Variants in ZNF141 observed in about 807,000 individuals in gnomAD.
ZNF141 encodes zinc finger protein 141, also known as zinc finger protein 141 (clone pHZ-44).
A neutral mutation model predicts 11.3 loss-of-function variants in ZNF141; 7 were observed. That is an observed-to-expected ratio of 0.62 (90% CI 0.35 to 1.16). The LOEUF is 1.16. Ranked by LOEUF, ZNF141 falls within the 50% of genes most tolerant of loss-of-function variation. The pLI is 0.02. For missense variants in ZNF141, 535 were observed against 554.0 expected (o/e 0.97, Z 0.34); for synonymous variants, 183 against 190.7 (o/e 0.96, Z 0.33).
intron 3 of ZNF141, among the ~76,000 whole-genome samples, chr4:345,729 CAAAAAAAAAA>C (rs1321182710): frequency 1.5e-5 from 1 of 64,616 alleles, no homozygotes; most frequent in Non-Finnish European, 3.3e-5. Context: ...ACTCTGTCTC[CAAAAAAAAAA>C]AAAAAAAAAA....
chr4:342,819 A>G (rs1553848723), intron 1 of ZNF141: 5 of 1,606,468 alleles, frequency 3.1e-6, no homozygotes, highest in Middle Eastern at 1.8e-4. Context: ...AAAAAATTCA[A>G]ACAGGTCCCC....
chr4:363,381 A>T (rs1459451726), intron 3 of ZNF141, among the ~76,000 whole-genome samples: 1 of 152,114 alleles, frequency 6.6e-6, no homozygotes, highest in East Asian at 1.9e-4. Flanking sequence ...CTCCTGCATG[A>T]TTGCCCTGGC....
In ZNF141 at chr4:384,357, G is replaced by A. The variant is rs1553856128; in HGVS notation, c.*10495G>A. On this transcript the variant is annotated 3_prime_UTR_variant, in exon 4 of 4. Coordinates refer to ENST00000240499, the MANE Select transcript of ZNF141 (RefSeq NM_003441.4). ...GGAACCCCTGAGAAAGGAGGCAGAG[G>A]CTGGTTAGGAAGATAGGGAGGGAAG... 1 of 152,256 alleles carries A rather than the reference G, an allele frequency of 6.6e-6. No individual in the cohort carries two copies. Among genetic ancestry groups the A allele is most frequent in the East Asian group, 1.9e-4 (1 of 5,194 alleles). The allele number at this position is 152,256 out of a possible 1,614,324, so 9.4% of individuals were successfully genotyped here.
Position 361,017 on chromosome 4 carries a change from G to C in ZNF141, c.227-11647G>C, listed in dbSNP as rs929110812. ...ATATTATTCTGTGAGAGAAGCACTT[G>C]TTATTTGAAGGTGATTTTTGAAAAA... On this transcript the variant is annotated intron_variant, in intron 3 of 3. Transcript: ENST00000240499. 7.2e-5 allele frequency among the ~76,000 whole-genome samples: 11 copies of C among 152,196 alleles called. No homozygotes were observed. In the South Asian group the frequency reaches 2.3e-3, roughly 32 times the overall value.
rs1560201997 is a variant in ZNF141, at chr4:376,809, C to T, written c.*2947C>T. ...GATAATTTACTGGAAATCTAGAAGC[C>T]TGAAACATTCTATATTTTCTTCTTT... On this transcript the variant is annotated 3_prime_UTR_variant, in exon 4 of 4. Coordinates refer to ENST00000240499, the MANE Select transcript of ZNF141 (RefSeq NM_003441.4). Among the ~76,000 whole-genome samples the T allele has an allele frequency of 2.6e-5, 4 of 151,970 alleles. No homozygotes were observed. The highest frequency in any genetic ancestry group is 9.7e-5 in the African/African-American group (4 of 41,404).
intron 3 of ZNF141, among the ~76,000 whole-genome samples, chr4:367,073 C>A (rs1209111499): frequency 6.6e-6 from 1 of 152,176 alleles, no homozygotes; most frequent in Non-Finnish European, 1.5e-5. Context: ...ACAGTAAAGA[C>A]CCTATATGAC....
chr4:358,629 G>GT (rs1225053554), intron 3 of ZNF141: 1 of 154,022 alleles, frequency 6.5e-6, no homozygotes, highest in Non-Finnish European at 1.4e-5. Flanking sequence ...CCAAGCTGGA[G>GT]TTCAGTGGTT....
rs782798103 is a variant in ZNF141, at chr4:380,565, T to C, written c.*6703T>C. Among the ~76,000 whole-genome samples, 2 of 151,734 alleles carry C rather than the reference T, an allele frequency of 1.3e-5. No individual in the cohort carries two copies. The highest frequency in any genetic ancestry group is 2.9e-5 in the Non-Finnish European group (2 of 67,990). ...TACTCAAGAGGTTGAGGCAGGAGAA[T>C]CAGTTGAACCTGGGAGGTGGAGATT... is the stretch of plus-strand genomic sequence containing the variant. On this transcript the variant is annotated 3_prime_UTR_variant, in exon 4 of 4. Coordinates refer to ENST00000240499, the MANE Select transcript of ZNF141 (RefSeq NM_003441.4).
chr4:355,414 C>T (rs1721795286), intron 3 of ZNF141, among the ~76,000 whole-genome samples: 1 of 152,070 alleles, frequency 6.6e-6, no homozygotes, highest in African/African-American at 2.4e-5. Context: ...CCATGTTGGC[C>T]AGGCTGGTCT....
intron 3 of ZNF141, among the ~76,000 whole-genome samples, chr4:361,443 A>G (rs1328539318): frequency 4.7e-5 from 7 of 149,272 alleles, no homozygotes; most frequent in Non-Finnish European, 7.4e-5. Context: ...GGTTTGTTAC[A>G]TATGTATACA....
At chr4:359,638 G>T (rs918686423) in intron 3 of ZNF141, among the ~76,000 whole-genome samples, 1 of 152,118 alleles carries the variant, frequency 6.6e-6, no homozygotes, top group South Asian at 2.1e-4. Flanking sequence ...CACAATTCAC[G>T]GTGGGAATAA....
At position 381,946 on chromosome 4, in the gene ZNF141, C is replaced by CTTTTTGTTTTTTTTTTTT. The variant is rs1712639262; in HGVS notation, c.*8089_*8090insGTTTTTTTTTTTTTTTTT. ...CTAGGGCCACCACCATCTCTGGGAA[C>CTTTTTGTTTTTTTTTTTT]TTTTTTTTTTTTTTTTTTTGAGACG... On this transcript the variant is annotated 3_prime_UTR_variant, in exon 4 of 4. Coordinates refer to ENST00000240499, the MANE Select transcript of ZNF141 (RefSeq NM_003441.4). Among the ~76,000 whole-genome samples, 1 of 105,938 alleles carries CTTTTTGTTTTTTTTTTTT rather than the reference C, an allele frequency of 9.4e-6. No individual in the cohort carries two copies. The highest frequency in any genetic ancestry group is 1.8e-5 in the Non-Finnish European group (1 of 55,032). 69.5% of individuals were successfully genotyped at this position (105,938 alleles called of 152,430 possible).
In ZNF141 at chr4:373,201, A is replaced by C. The variant is rs781833543; in HGVS notation, c.764A>C (p.Tyr255Ser). ...HKIIHTGEKP[Y>S]KCEECGKAFN... is the part of the protein sequence containing the mutation. The stretch of plus-strand genomic sequence containing the variant: ...ATAATTCATACTGGAGAAAAACCCT[A>C]TAAATGTGAAGAATGTGGCAAAGCC... The change falls in exon 4 of 4, where the codon TAT (tyrosine) becomes TCT (serine). Residue 255 changes from tyrosine to serine, a missense_variant. Tyr to Ser is a moderately radical substitution (Grantham distance 144, BLOSUM62 -2). Coordinates refer to ENST00000240499, the MANE Select transcript of ZNF141 (RefSeq NM_003441.4). The C allele has an allele frequency of 1.9e-6, 3 of 1,614,086 alleles. No individual in the cohort carries two copies. The South Asian group carries it at 3.3e-5, about 18-fold the overall frequency.
intron 3 of ZNF141, among the ~76,000 whole-genome samples, chr4:367,048 C>G (rs1471680777): frequency 6.6e-6 from 1 of 152,118 alleles, no homozygotes; most frequent in African/African-American, 2.4e-5. Flanking sequence ...AGGTATAGAT[C>G]ATATGTACCT....
At chr4:353,937 G>A (rs1226538586) in intron 3 of ZNF141, among the ~76,000 whole-genome samples, 2 of 152,154 alleles carry the variant, frequency 1.3e-5, no homozygotes, top group African/African-American at 4.8e-5. Flanking sequence ...CTAAGCAATG[G>A]TATGGCCGTG....
At chr4:346,634 C>G (rs1721329018) in intron 3 of ZNF141, among the ~76,000 whole-genome samples, 1 of 152,068 alleles carries the variant, frequency 6.6e-6, no homozygotes. Flanking sequence ...ATATTCCCAC[C>G]CTAGGCACTA....
intron 3 of ZNF141, 149 bp downstream of exon 3, chr4:344,579 A>G: frequency 1.9e-6 from 1 of 540,352 alleles, no homozygotes; most frequent in Non-Finnish European, 3.3e-6. Flanking sequence ...GCGGATCACG[A>G]GGTCAAGAGA....
Position 374,905 on chromosome 4 carries a change from TATAAG to T in ZNF141, c.*1045_*1049del, listed in dbSNP as rs1187133144. On this transcript the variant is annotated 3_prime_UTR_variant, in exon 4 of 4. Transcript: ENST00000240499. ...GCAACCACACTCAATCTATTCTAAA[TATAAG>T]AGAAATGATATTGGTGAGAAGCCAC... 1 of 151,934 alleles carries T rather than the reference TATAAG, an allele frequency of 6.6e-6. No individual in the cohort carries two copies. The highest frequency in any genetic ancestry group is 1.5e-5 in the Non-Finnish European group (1 of 67,974). The allele number at this position is 151,934 out of a possible 1,614,324, so 9.4% of individuals were successfully genotyped here.
rs1286541329 is a variant in ZNF141, at chr4:377,637, T to G, written c.*3775T>G. ...TATTTATAGGTTATCAGTGCAACAT[T>G]TAGATCACTTGAGATAAGAGTAATT... On this transcript the variant is annotated 3_prime_UTR_variant, in exon 4 of 4. Transcript: ENST00000240499. Among the ~76,000 whole-genome samples the G allele has an allele frequency of 6.6e-6, 1 of 152,114 alleles. No individual in the cohort carries two copies. Among genetic ancestry groups the G allele is most frequent in the Non-Finnish European group, 1.5e-5 (1 of 68,026 alleles).
Sources: allele counts gnomAD v4.1 joint callset (sites outside exome capture counted in the v4.1 genomes callset), GRCh38; gene constraint gnomAD v4.1.1; transcripts MANE v1.5; gene names NCBI Gene and HGNC (gene_info 2026-07-23, HGNC 2026-07-21).